The following ZNF827 variants were observed in gnomAD, a reference collection of about 807,000 sequenced individuals.
ZNF827 encodes zinc finger protein 827.
ZNF827 carries 13 observed loss-of-function variants against 102.4 expected under a neutral mutation model. That is an observed-to-expected ratio of 0.13 (90% CI 0.08 to 0.20). The LOEUF is 0.20. Among genes scored for constraint, ZNF827 ranks in the 10% least tolerant of loss-of-function variants. The pLI is 1.00. For synonymous variants in ZNF827, 523 were observed against 536.2 expected (o/e 0.98, Z 0.34); for missense variants, 1,103 against 1,344.4 (o/e 0.82, Z 2.81).
chr4:145,919,986 C>A (rs1195137707), intron 1 of ZNF827, among the ~76,000 whole-genome samples: 1 of 152,234 alleles, frequency 6.6e-6, no homozygotes, highest in African/African-American at 2.4e-5. Context: ...CTAGGCCCAC[C>A]TGAAGTCTAC....
chr4:145,834,716 C>T (rs928746970), intron 7 of ZNF827, among the ~76,000 whole-genome samples: 1 of 152,084 alleles, frequency 6.6e-6, no homozygotes, highest in Non-Finnish European at 1.5e-5. Flanking sequence ...AACCCTGAGA[C>T]ACTTTACAGC....
intron 8 of ZNF827, among the ~76,000 whole-genome samples, chr4:145,796,969 C>T (rs953654123): frequency 2.6e-5 from 4 of 152,202 alleles, no homozygotes; most frequent in African/African-American, 9.6e-5. Context: ...GTAGGTACTA[C>T]CTTCATTTCA....
intron 8 of ZNF827, among the ~76,000 whole-genome samples, chr4:145,822,476 A>G (rs1743235713): frequency 1.3e-5 from 2 of 152,132 alleles, no homozygotes; most frequent in Admixed American, 1.3e-4. Context: ...GGGCTCCTTG[A>G]GTATGTGGAG....
intron 7 of ZNF827, among the ~76,000 whole-genome samples, chr4:145,845,018 CT>C (rs1490789503): frequency 6.6e-6 from 1 of 152,232 alleles, no homozygotes; most frequent in Non-Finnish European, 1.5e-5. Flanking sequence ...GATTTAAAGA[CT>C]GCTTGGTAGC....
At chr4:145,797,063 G>C (rs1410175356) in intron 8 of ZNF827, among the ~76,000 whole-genome samples, 1 of 152,146 alleles carries the variant, frequency 6.6e-6, no homozygotes, top group East Asian at 1.9e-4. Context: ...CGGTCGGGGG[G>C]CTTCCTGGGG....
intron 8 of ZNF827, among the ~76,000 whole-genome samples, chr4:145,809,048 G>A (rs1481248122): frequency 3.3e-5 from 5 of 152,102 alleles, no homozygotes. Context: ...CAATCCTCCT[G>A]CCTTGGCTTC....
Position 145,760,891 on chromosome 4 carries a change from A to C in ZNF827, c.*725T>G. ...TCGGGGAGGGTGGAATGTGAGATCC[A>C]AGTGGTTCTTGGGGTATAACATTGT... On this transcript the variant is annotated 3_prime_UTR_variant, in exon 15 of 15. Coordinates refer to ENST00000508784, the MANE Select transcript of ZNF827 (RefSeq NM_001306215.2). 3 of 1,230,442 alleles carry C rather than the reference A, an allele frequency of 2.4e-6. No homozygotes were observed. Among genetic ancestry groups the C allele is most frequent in the Non-Finnish European group, 3.1e-6 (3 of 961,550 alleles). The allele number at this position is 1,230,442 out of a possible 1,614,324, so 76.2% of individuals were successfully genotyped here. A position where few individuals can be genotyped will look rare whatever the true frequency, so the allele number is the denominator to read the frequency against.
In ZNF827 at chr4:145,902,583, T is replaced by C; in HGVS notation, c.676A>G (p.Lys226Glu). 1 of 1,614,022 alleles carries C rather than the reference T, an allele frequency of 6.2e-7. No individual in the cohort carries two copies. The highest frequency in any genetic ancestry group is 8.5e-7 in the Non-Finnish European group (1 of 1,179,892). The change falls in exon 2 of 15, where the codon AAA becomes GAA. Residue 226 changes from lysine (K) to glutamate (E), a missense_variant. Around this residue, in one of 5 missense-constraint regions of ZNF827, gnomAD observed 441 missense variants for 458.6 expected, o/e 0.96. Transcript: ENST00000508784. The surrounding 1 kb of genome is among the most constrained non-coding windows in gnomAD (Gnocchi z 4.3). ...KAAANAVLQD[K>E]SLTRTEETMR... ...GTCTCCTCAGTCCTGGTGAGAGATT[T>C]GTCCTGCAGAACGGCATTGGCTGCA...
chr4:145,865,989 C>T (rs1272847985), intron 5 of ZNF827, among the ~76,000 whole-genome samples: 1 of 152,154 alleles, frequency 6.6e-6, no homozygotes, highest in Non-Finnish European at 1.5e-5. Context: ...CTGGCAATTC[C>T]CCCTTTCCAT....
intron 11 of ZNF827, among the ~76,000 whole-genome samples, chr4:145,768,665 G>A (rs7671215): frequency 0.39 from 58,196 of 149,418 alleles, 12,873 homozygotes; most frequent in Non-Finnish European, 0.52. Flanking sequence ...GCAATCTAGT[G>A]ACTGTAAATG....
chr4:145,918,429 G>A (rs371850747), intron 1 of ZNF827, among the ~76,000 whole-genome samples: 12 of 145,038 alleles, frequency 8.3e-5, no homozygotes, highest in African/African-American at 2.1e-4. Context: ...AAAAAAAAGC[G>A]GAATGGTGCT....
chr4:145,898,382 C>A (rs541278774), intron 2 of ZNF827, among the ~76,000 whole-genome samples: 1 of 152,160 alleles, frequency 6.6e-6, no homozygotes, highest in African/African-American at 2.4e-5. Flanking sequence ...TTATTCAGTA[C>A]AATAAGATGT....
At chr4:145,799,113 T>C (rs751021541) in intron 8 of ZNF827, among the ~76,000 whole-genome samples, 2 of 152,244 alleles carry the variant, frequency 1.3e-5, no homozygotes, top group Non-Finnish European at 2.9e-5. Flanking sequence ...AAAGCAGATC[T>C]CCCGTTTTGA....
chr4:145,850,948 C>T (rs1324161739), intron 5 of ZNF827, among the ~76,000 whole-genome samples: 2 of 152,136 alleles, frequency 1.3e-5, no homozygotes, highest in South Asian at 4.2e-4. Context: ...AAGAAATCAT[C>T]CTGGATTATC....
At chr4:145,779,732 G>GT (rs1399186889) in intron 8 of ZNF827, among the ~76,000 whole-genome samples, 1 of 152,220 alleles carries the variant, frequency 6.6e-6, no homozygotes, top group African/African-American at 2.4e-5. Flanking sequence ...CAATTCTTCA[G>GT]TATTTTCTCT....
intron 8 of ZNF827, among the ~76,000 whole-genome samples, chr4:145,791,122 G>C (rs1739616534): frequency 6.6e-6 from 1 of 152,170 alleles, no homozygotes; most frequent in Non-Finnish European, 1.5e-5. Context: ...CAAAACACTG[G>C]ATGGCTTATA....
chr4:145,790,490 T>C (rs1395214188), intron 8 of ZNF827, among the ~76,000 whole-genome samples: 2 of 152,222 alleles, frequency 1.3e-5, no homozygotes, highest in East Asian at 1.9e-4. Flanking sequence ...AATGTTGCAA[T>C]GTGCTATGCA....
At chr4:145,787,315 T>C (rs1334881814) in intron 8 of ZNF827, among the ~76,000 whole-genome samples, 1 of 151,794 alleles carries the variant, frequency 6.6e-6, no homozygotes, top group African/African-American at 2.4e-5. Flanking sequence ...ATACACAAAT[T>C]AGCTGAGCGT....
chr4:145,913,490 G>A (rs1488484380), intron 1 of ZNF827, among the ~76,000 whole-genome samples: 1 of 148,868 alleles, frequency 6.7e-6, no homozygotes, highest in East Asian at 2.0e-4. Context: ...GCTACTTAGA[G>A]ATATCCAAAC....
Sources: allele counts gnomAD v4.1 joint callset (sites outside exome capture counted in the v4.1 genomes callset), GRCh38; gene constraint gnomAD v4.1.1; regional missense constraint gnomAD v4.1.1; non-coding constraint Gnocchi (gnomAD v3.1); transcripts MANE v1.5; gene names NCBI Gene and HGNC (gene_info 2026-07-23, HGNC 2026-07-21).